Variants in AKAP17A observed in about 807,000 individuals in gnomAD.
AKAP17A encodes the protein A-kinase anchor protein 17A.
In AKAP17A, 15 loss-of-function variants were observed where a neutral mutation model predicts 52.2. The ratio of observed to expected loss-of-function variants is 0.29; its 90% CI spans 0.19 to 0.44. The LOEUF (loss-of-function observed/expected upper bound fraction) is 0.44. Among genes scored for constraint, AKAP17A ranks in the 20% least tolerant of loss-of-function variants. The pLI, the probability that AKAP17A is intolerant of heterozygous loss-of-function variation, is 1.00. For missense variants in AKAP17A, 1,060 were observed against 1,007.0 expected, an observed-to-expected ratio of 1.05 and a Z score of -0.71; for synonymous variants, 514 against 424.7, an observed-to-expected ratio of 1.21 and a Z score of -2.58.
intron 2 of AKAP17A, among the ~76,000 whole-genome samples, chrX:1,594,923 C>T (rs1456152579): frequency 9.2e-5 from 14 of 152,208 alleles, no homozygotes; most frequent in African/African-American, 3.1e-4. Flanking sequence ...AGCCTAGCCT[C>T]GTGTTTTGAC....
chrX:1,592,144 C>T (rs1437179547), intron 1 of AKAP17A, among the ~76,000 whole-genome samples: 2 of 151,472 alleles, frequency 1.3e-5, no homozygotes, highest in Non-Finnish European at 2.9e-5. Flanking sequence ...TGCGGTCGCT[C>T]CTAGGTCTAC....
intron 4 of AKAP17A, chrX:1,599,806 G>A (rs1336043217): frequency 3.3e-6 from 2 of 601,978 alleles, no homozygotes; most frequent in Non-Finnish European, 5.9e-6. Context: ...GCCTGGCTGT[G>A]ACCTCACCAG....
chrX:1,601,755 CT>C lies in AKAP17A; in HGVS notation c.*164del. The C allele has an allele frequency of 1.7e-6, 1 of 573,982 alleles. No homozygotes were observed. The highest frequency in any genetic ancestry group is 2.7e-6 in the Non-Finnish European group (1 of 367,124). 35.6% of individuals were successfully genotyped at this position (573,982 alleles called of 1,614,324 possible). On this transcript the variant is annotated 3_prime_UTR_variant, in exon 5 of 5. Transcript: ENST00000313871. ...CGCCGGCAGGAAGGAAGACACCATG[CT>C]TTAGAGATCCATCTTTCTCCACTCA...
chrX:1,599,972 C>G (rs1251414630), intron 4 of AKAP17A: 27 of 467,104 alleles, frequency 5.8e-5, no homozygotes, highest in African/African-American at 3.2e-4. Context: ...CCTCCCTGCT[C>G]CTCCTGCAGG....
At chrX:1,591,840 G>C (rs1603459953) in intron 1 of AKAP17A, 71 bp downstream of exon 1, 1 of 150,842 alleles carries the variant, frequency 6.6e-6, no homozygotes, top group African/African-American at 2.4e-5. Context: ...GGCCGGGCCC[G>C]GGGGGCCGGG....
chrX:1,595,573 C>T (rs1446243485), intron 3 of AKAP17A, 41 bp downstream of exon 3: 2 of 1,612,068 alleles, frequency 1.2e-6, no homozygotes, highest in South Asian at 1.1e-5. Context: ...TGGTGTCCGG[C>T]ACCTGGGAGT....
At position 1,595,400 on chromosome X, in the gene AKAP17A, C is replaced by T. The variant is rs764689315; in HGVS notation, c.779C>T (p.Thr260Ile). Reference protein sequence around the residue: ...ACNIKVSFDSTKHLSDASIKK... With the variant: ...ACNIKVSFDSIKHLSDASIKK... ...CTTTTAAAGGTTTCTTTTGATTCGA[C>T]CAAACACCTGAGTGATGCCTCAATT... is the stretch of plus-strand genomic sequence containing the variant. The change falls in exon 3 of 5, where the codon ACC (threonine) becomes ATC (isoleucine). Residue 260 changes from threonine (T) to isoleucine (I), a missense_variant. Physicochemically the swap from Thr to Ile is moderately conservative, Grantham distance 89. Transcript: ENST00000313871. 6.2e-7 allele frequency: 1 copy of T among 1,613,968 alleles called. No homozygotes were observed. The highest frequency in any genetic ancestry group is 2.2e-5 in the East Asian group (1 of 44,880).
chrX:1,601,839 T>A lies in AKAP17A; in HGVS notation c.*245T>A. ...CGTAGTCCTTTAAAACTTGATCCGA[T>A]AGCTTTAATGCGGCCGGTCCTCTCT... On this transcript the variant is annotated 3_prime_UTR_variant, in exon 5 of 5. Transcript: ENST00000313871. The A allele has an allele frequency of 2.5e-6, 1 of 405,500 alleles. No homozygotes were observed. Among genetic ancestry groups the A allele is most frequent in the Non-Finnish European group, 4.3e-6 (1 of 231,870 alleles). 25.1% of individuals were successfully genotyped at this position (405,500 alleles called of 1,614,324 possible). A position where few individuals can be genotyped will look rare whatever the true frequency, so the allele number is the denominator to read the frequency against.
chrX:1,600,560 C>G, intron 4 of AKAP17A, 99 bp from the exon 5 acceptor site: 1 of 1,228,802 alleles, frequency 8.1e-7, no homozygotes, highest in South Asian at 1.5e-5. Context: ...ATCCTGCATC[C>G]CCAGACCATG....
chrX:1,600,917 C>T lies in AKAP17A; in HGVS notation c.1411C>T (p.Leu471=), dbSNP rs1482119792. ...ADLLQPVLDI[L]QTVSSGCVSA... ...CCTGCTGCAGCCCGTCCTGGACATC[C>T]TGCAGACCGTGTCGTCCGGCTGTGT... The change falls in exon 5 of 5, where the codon CTG becomes TTG. Residue 471 remains leucine, a synonymous_variant. Transcript: ENST00000313871. 5 of 1,576,804 alleles carry T rather than the reference C, an allele frequency of 3.2e-6. No individual in the cohort carries two copies. The highest frequency in any genetic ancestry group is 1.1e-5 in the South Asian group (1 of 87,658).
chrX:1,595,121 G>C (rs193196002), intron 2 of AKAP17A, among the ~76,000 whole-genome samples: 2 of 152,238 alleles, frequency 1.3e-5, no homozygotes, highest in Non-Finnish European at 2.9e-5. Flanking sequence ...AGTAAGTGGC[G>C]AGGGCTAGTT....
rs1343754524 is a variant in AKAP17A, at chrX:1,599,440, G to A, written c.1152+8G>A. 6.4e-7 allele frequency: 1 copy of A among 1,558,182 alleles called. No individual in the cohort carries two copies. Among genetic ancestry groups the A allele is most frequent in the Non-Finnish European group, 8.7e-7 (1 of 1,152,064 alleles). On this transcript the variant is annotated splice_region_variant and intron_variant, in intron 4 of 4. Transcript: ENST00000313871. The stretch of plus-strand genomic sequence containing the variant: ...CTGCTCAGCAGAGCCAAGGTACCCG[G>A]GGGCTCCCTCTGCAGCCGCCAGCCG...
intron 3 of AKAP17A, 24 bp from the exon 4 acceptor site, chrX:1,599,168 C>A: frequency 3.1e-6 from 5 of 1,605,642 alleles, no homozygotes; most frequent in Non-Finnish European, 4.3e-6. Context: ...CTCTCTGTGA[C>A]CACCCCCGGT....
intron 1 of AKAP17A, among the ~76,000 whole-genome samples, chrX:1,592,752 G>C (rs1424024166): frequency 1.3e-5 from 2 of 152,136 alleles, no homozygotes; most frequent in African/African-American, 4.8e-5. Flanking sequence ...GTGGCTGCCC[G>C]TCAGCTCAGC....
At position 1,601,648 on chromosome X, in the gene AKAP17A, G is replaced by A; in HGVS notation, c.*54G>A. 7.4e-7 allele frequency: 1 copy of A among 1,359,794 alleles called. No homozygotes were observed. Among genetic ancestry groups the A allele is most frequent in the South Asian group, 1.8e-5 (1 of 54,146 alleles). 84.2% of individuals were successfully genotyped at this position (1,359,794 alleles called of 1,614,324 possible). On this transcript the variant is annotated 3_prime_UTR_variant, in exon 5 of 5. Coordinates refer to ENST00000313871, the MANE Select transcript of AKAP17A (RefSeq NM_005088.3). ...CCGGGAAAGACCAGGACCTGCTCGA[G>A]CCTCCTGGCCGCTCCTTGGCCGCTC... is the stretch of plus-strand genomic sequence containing the variant.
In AKAP17A at chrX:1,601,415, C is replaced by G. The variant is rs369278824; in HGVS notation, c.1909C>G (p.Arg637Gly). Residue 637 changes from arginine to glycine, a missense_variant, in exon 5 of 5, where the codon CGC becomes GGC. Arg to Gly is a moderately radical substitution (Grantham distance 125, BLOSUM62 -2). This residue lies in a region of AKAP17A where 793 missense variants were observed against 629.9 expected (regional missense o/e 1.26). Transcript: ENST00000313871. ...CTACAAGGATGACAGCCCCCGCCGG[C>G]GCAGCACGAGCCCGGACCACACCCG... ...HAYKDDSPRRRSTSPDHTRSR... is the reference protein window; with the variant it reads ...HAYKDDSPRRGSTSPDHTRSR... The G allele has an allele frequency of 6.4e-7, 1 of 1,565,690 alleles. No homozygotes were observed. The highest frequency in any genetic ancestry group is 8.6e-7 in the Non-Finnish European group (1 of 1,163,428).
chrX:1,601,329 G>A lies in AKAP17A; in HGVS notation c.1823G>A (p.Arg608Gln), dbSNP rs368499270. ...RHKRERSRAR[R>Q]ASSREDGRPR... ...AAGCGGGAGAGGAGCCGGGCCAGGC[G>A]GGCCAGCAGCAGGGAGGACGGGAGG... The change falls in exon 5 of 5, where the codon CGG becomes CAG. Residue 608 changes from arginine to glutamine, a missense_variant. Coordinates refer to ENST00000313871, the MANE Select transcript of AKAP17A (RefSeq NM_005088.3). 1.0e-4 allele frequency: 163 copies of A among 1,600,808 alleles called. 1 individual carries two copies. Among genetic ancestry groups the A allele is most frequent in the Non-Finnish European group, 1.2e-4 (140 of 1,175,854 alleles).
Position 1,594,197 on chromosome X carries a change from C to T in AKAP17A, c.735C>T (p.Asp245=), listed in dbSNP as rs572131503. The T allele has an allele frequency of 1.5e-5, 23 of 1,557,964 alleles. No individual in the cohort carries two copies. Among genetic ancestry groups the T allele is most frequent in the African/African-American group, 6.8e-5 (5 of 73,338 alleles). ...RGMKLMYKGE[D]GKAVACNIKV... The stretch of plus-strand genomic sequence containing the variant: ...TGAAACTCATGTACAAGGGCGAGGA[C>T]GGCAAGGCCGTGGCCTGCAACATCA... Residue 245 remains aspartate, a synonymous_variant, in exon 2 of 5, where the codon GAC becomes GAT. Coordinates refer to ENST00000313871, the MANE Select transcript of AKAP17A (RefSeq NM_005088.3).
At chrX:1,600,416 C>T in intron 4 of AKAP17A, 2 of 631,558 alleles carry the variant, frequency 3.2e-6, no homozygotes. Flanking sequence ...GCCGCTTTGC[C>T]AAGGGGTTTC....
Sources: allele counts gnomAD v4.1 joint callset (sites outside exome capture counted in the v4.1 genomes callset), GRCh38; gene constraint gnomAD v4.1.1; regional missense constraint gnomAD v4.1.1; transcripts MANE v1.5; gene names NCBI Gene and HGNC (gene_info 2026-07-23, HGNC 2026-07-21).